GADL1: variants seen among roughly 807,000 people sequenced by gnomAD.
GADL1 encodes acidic amino acid decarboxylase GADL1.
GADL1 carries 71 observed loss-of-function variants against 69.5 expected under a neutral mutation model. That is an observed-to-expected ratio of 1.02 (90% CI 0.84 to 1.25). GADL1 has a LOEUF of 1.25. GADL1 is among the 50% of genes most tolerant of loss of function. GADL1 has a pLI of 0.00. For missense variants in GADL1, 737 were observed against 631.8 expected (o/e 1.17, Z -1.79); for synonymous variants, 254 against 214.4 (o/e 1.18, Z -1.62).
intron 4 of GADL1, among the ~76,000 whole-genome samples, chr3:30,852,347 A>T (rs528400301): frequency 1.3e-5 from 2 of 152,228 alleles, no homozygotes; most frequent in South Asian, 4.1e-4. Flanking sequence ...CCCCATCTCT[A>T]TTAAAAATAC....
chr3:30,803,088 T>A (rs1319100036), intron 11 of GADL1, among the ~76,000 whole-genome samples: 1 of 152,188 alleles, frequency 6.6e-6, no homozygotes, highest in African/African-American at 2.4e-5. Flanking sequence ...TGGGACCCTG[T>A]CTCTAGAATA....
chr3:30,750,411 G>A (rs1443010170), intron 14 of GADL1, among the ~76,000 whole-genome samples: 1 of 152,156 alleles, frequency 6.6e-6, no homozygotes, highest in African/African-American at 2.4e-5. Context: ...GCACAAGTGG[G>A]TATGATGCAT....
intron 14 of GADL1, among the ~76,000 whole-genome samples, chr3:30,733,611 T>TCCTA (rs1695499133): frequency 1.3e-5 from 2 of 150,764 alleles, no homozygotes; most frequent in Non-Finnish European, 3.0e-5. Context: ...CTTCCTTCCT[T>TCCTA]CCTTCCTTCC....
chr3:30,758,425 CT>C (rs1220209897), intron 14 of GADL1, among the ~76,000 whole-genome samples: 3 of 111,166 alleles, frequency 2.7e-5, no homozygotes, highest in Non-Finnish European at 3.8e-5. Flanking sequence ...TCTTTCCCGT[CT>C]TCCCCTCTTC....
At chr3:30,828,370 C>CT (rs202011452) in intron 11 of GADL1, among the ~76,000 whole-genome samples, 94 of 148,550 alleles carry the variant, frequency 6.3e-4, no homozygotes, top group African/African-American at 1.0e-3. Flanking sequence ...CATTAGTCTC[C>CT]TTTTTTTTTC....
intron 1 of GADL1, among the ~76,000 whole-genome samples, chr3:30,876,561 A>C (rs1391492986): frequency 6.6e-6 from 1 of 151,960 alleles, no homozygotes; most frequent in African/African-American, 2.4e-5. Context: ...AAAGTTCATC[A>C]ATTGAAAAAA....
At chr3:30,733,635 T>TCCTTCCTCCTTCCCTCCCTC (rs1695500345) in intron 14 of GADL1, among the ~76,000 whole-genome samples, 2 of 144,160 alleles carry the variant, frequency 1.4e-5, no homozygotes, top group African/African-American at 5.3e-5. Context: ...CTTCCTTCCT[T>TCCTTCCTCCTTCCCTCCCTC]CCTCCTTCCC....
intron 14 of GADL1, among the ~76,000 whole-genome samples, chr3:30,768,068 G>A (rs1384649391): frequency 7.2e-6 from 1 of 139,080 alleles, no homozygotes; most frequent in African/African-American, 2.8e-5. Flanking sequence ...AACACCCAAT[G>A]TTAGTTAGAT....
intron 1 of GADL1, among the ~76,000 whole-genome samples, chr3:30,892,712 T>G (rs1698801145): frequency 2.0e-5 from 3 of 152,180 alleles, no homozygotes; most frequent in African/African-American, 7.2e-5. Context: ...AAACAAGAAT[T>G]AAGGTTAAAA....
chr3:30,757,076 G>A (rs1695992054), intron 14 of GADL1, among the ~76,000 whole-genome samples: 2 of 152,070 alleles, frequency 1.3e-5, no homozygotes, highest in African/African-American at 4.8e-5. Context: ...CACAACTTCT[G>A]GCTCACCTCG....
In GADL1 at chr3:30,850,911, C is replaced by G; in HGVS notation, c.459G>C (p.Leu153=). 1 of 1,549,182 alleles carries G rather than the reference C, an allele frequency of 6.5e-7. No individual in the cohort carries two copies. The highest frequency in any genetic ancestry group is 8.7e-7 in the Non-Finnish European group (1 of 1,144,868). ...TCTTCAGAACCGCTTCTTCCACTAA[C>G]AGAAACACTGGGGACACCTCATACG... is the stretch of plus-strand genomic sequence containing the variant. ...VYTYEVSPVF[L]LVEEAVLKKM... The change falls in exon 5 of 15, where the codon CTG becomes CTC. Residue 153 remains leucine, a synonymous_variant. Transcript: ENST00000282538.
At chr3:30,870,558 A>G (rs968901303) in intron 1 of GADL1, among the ~76,000 whole-genome samples, 2 of 151,740 alleles carry the variant, frequency 1.3e-5, no homozygotes, top group Non-Finnish European at 2.9e-5. Flanking sequence ...GAGGAGTAAC[A>G]TGAACTGGCT....
intron 14 of GADL1, among the ~76,000 whole-genome samples, chr3:30,736,635 G>A (rs1361062999): frequency 1.3e-5 from 2 of 152,096 alleles, no homozygotes; most frequent in Non-Finnish European, 2.9e-5. Context: ...TGTCTAAACT[G>A]GATTTAAATA....
chr3:30,780,503 T>C (rs1320267161), intron 13 of GADL1, among the ~76,000 whole-genome samples: 1 of 152,188 alleles, frequency 6.6e-6, no homozygotes, highest in Non-Finnish European at 1.5e-5. Flanking sequence ...CTCCAATCCC[T>C]TGCTAATAAT....
At chr3:30,754,641 AAC>A (rs1491262878) in intron 14 of GADL1, among the ~76,000 whole-genome samples, 1 of 152,076 alleles carries the variant, frequency 6.6e-6, no homozygotes, top group African/African-American at 2.4e-5. Flanking sequence ...ACAAAAAAAA[AAC>A]TGCCTGTGAA....
At chr3:30,883,579 A>G (rs867220419) in intron 1 of GADL1, among the ~76,000 whole-genome samples, 13 of 151,998 alleles carry the variant, frequency 8.6e-5, no homozygotes, top group African/African-American at 3.1e-4. Context: ...AGAATGTGTG[A>G]GTCCTCTAAA....
chr3:30,755,257 A>C (rs989301501), intron 14 of GADL1, among the ~76,000 whole-genome samples: 1 of 150,966 alleles, frequency 6.6e-6, no homozygotes, highest in African/African-American at 2.4e-5. Context: ...ATATTCAAAG[A>C]TGTTTACATG....
chr3:30,741,008 T>A (rs1334919445), intron 14 of GADL1, among the ~76,000 whole-genome samples: 4 of 102,884 alleles, frequency 3.9e-5, no homozygotes, highest in Admixed American at 9.5e-5. Context: ...TTAATATATA[T>A]TATATATTAT....
chr3:30,866,762 A>T (rs1407904379), intron 1 of GADL1, among the ~76,000 whole-genome samples: 1 of 151,858 alleles, frequency 6.6e-6, no homozygotes, highest in Admixed American at 6.6e-5. Flanking sequence ...GTTGCTTTCC[A>T]CCTTGCCCTG....
Sources: gnomAD v4.1 joint callset for allele counts (sites outside exome capture counted in the v4.1 genomes callset) on GRCh38, gnomAD v4.1.1 for gene constraint, MANE v1.5 for transcripts, NCBI Gene and HGNC (gene_info 2026-07-23, HGNC 2026-07-21) for gene names.